The following GNG7 variants were observed in gnomAD, a reference collection of about 807,000 sequenced individuals.
The protein encoded by GNG7 is guanine nucleotide-binding protein G(I)/G(S)/G(O) subunit gamma-7.
A neutral mutation model predicts 4.0 loss-of-function variants in GNG7; 1 was observed. That is an observed-to-expected ratio of 0.25 (90% CI 0.09 to 1.18). The LOEUF (loss-of-function observed/expected upper bound fraction) is 1.18, where lower values mean the gene tolerates loss of function less well. GNG7 is among the 50% of genes most tolerant of loss of function. The pLI, the probability that GNG7 is intolerant of heterozygous loss-of-function variation, is 0.50. For missense variants in GNG7, 86 were observed against 91.9 expected (o/e 0.94, Z 0.26); for synonymous variants, 34 against 36.9 (o/e 0.92, Z 0.29).
chr19:2,569,292 G>T (rs994661747), intron 2 of GNG7, among the ~76,000 whole-genome samples: 1 of 151,424 alleles, frequency 6.6e-6, no homozygotes, highest in Non-Finnish European at 1.5e-5. Context: ...TCTTTTTTTT[G>T]TGAGACAGAG....
chr19:2,549,451 C>T (rs376545519), intron 3 of GNG7, among the ~76,000 whole-genome samples: 65 of 152,108 alleles, frequency 4.3e-4, no homozygotes, highest in East Asian at 2.1e-3. Flanking sequence ...CCACCGCACC[C>T]GGCTAATTTT....
chr19:2,589,462 C>T (rs923506655), intron 2 of GNG7, among the ~76,000 whole-genome samples: 28 of 147,424 alleles, frequency 1.9e-4, no homozygotes, highest in African/African-American at 7.0e-4. Flanking sequence ...TCAAGTGATC[C>T]GTCCGCCTTG....
intron 2 of GNG7, among the ~76,000 whole-genome samples, chr19:2,645,825 A>G (rs1403917447): frequency 6.6e-6 from 1 of 152,204 alleles, no homozygotes; most frequent in East Asian, 1.9e-4. Flanking sequence ...GGAGTAAATC[A>G]ACAGAGGAGA....
chr19:2,682,592 G>C (rs990409326), intron 1 of GNG7, among the ~76,000 whole-genome samples: 2 of 147,044 alleles, frequency 1.4e-5, no homozygotes, highest in African/African-American at 5.1e-5. Flanking sequence ...GAACCCGGGA[G>C]ACGGAGGTTG....
rs8105623 is a variant in GNG7 at position 2,679,571 on chromosome 19, C to T, written c.-135+23075G>A. ...ACACAGAAAGAAAGTCACATGGTGG[C>T]TAAGTAGGCATTCTAAATCCAATGC... On this transcript the variant is annotated intron_variant, in intron 1 of 4. Coordinates refer to ENST00000382159, the MANE Select transcript of GNG7 (RefSeq NM_052847.3). 9.3e-3 allele frequency among the ~76,000 whole-genome samples: 1,421 copies of T among 152,236 alleles called. 17 individuals are homozygous for T. Among genetic ancestry groups the T allele is most frequent in the African/African-American group, 0.026 (1,088 of 41,530 alleles).
intron 2 of GNG7, among the ~76,000 whole-genome samples, chr19:2,587,711 G>C (rs1980717960): frequency 6.6e-6 from 1 of 152,122 alleles, no homozygotes; most frequent in Non-Finnish European, 1.5e-5. Flanking sequence ...GGGGGACGCT[G>C]TCTCAGCCTC....
At chr19:2,576,566 A>T (rs1980348668) in intron 2 of GNG7, among the ~76,000 whole-genome samples, 1 of 150,584 alleles carries the variant, frequency 6.6e-6, no homozygotes, top group African/African-American at 2.5e-5. Flanking sequence ...TTTATTTAAG[A>T]AACAGGGGTC....
At chr19:2,584,255 C>T (rs1280826996) in intron 2 of GNG7, among the ~76,000 whole-genome samples, 1 of 128,546 alleles carries the variant, frequency 7.8e-6, no homozygotes, top group African/African-American at 3.1e-5. Flanking sequence ...CCAGCCAGGG[C>T]AACATAGGGA....
intron 2 of GNG7, among the ~76,000 whole-genome samples, chr19:2,586,492 G>C (rs1980676672): frequency 1.3e-5 from 2 of 152,188 alleles, no homozygotes; most frequent in South Asian, 4.1e-4. Context: ...GGTGACCTCG[G>C]TCCCCCAAGA....
At chr19:2,586,864 AG>A (rs1302657485) in intron 2 of GNG7, among the ~76,000 whole-genome samples, 1 of 151,652 alleles carries the variant, frequency 6.6e-6, no homozygotes, top group Non-Finnish European at 1.5e-5. Flanking sequence ...ACGTGCCTGT[AG>A]TCCCAGCTAC....
chr19:2,663,747 T>C (rs898999870), intron 1 of GNG7, among the ~76,000 whole-genome samples: 1 of 152,186 alleles, frequency 6.6e-6, no homozygotes, highest in Admixed American at 6.6e-5. Context: ...TTTTGCAAAT[T>C]ATCAAGATAT....
At position 2,622,073 on chromosome 19, in the gene GNG7, C is replaced by CT. The variant is rs535584117; in HGVS notation, c.-78+24150dup. Among the ~76,000 whole-genome samples, 919 of 140,156 alleles carry CT rather than the reference C, an allele frequency of 6.6e-3. 7 individuals carry two copies. The highest frequency in any genetic ancestry group is 0.033 in the East Asian group (166 of 4,996). 91.9% of individuals were successfully genotyped at this position (140,156 alleles called of 152,430 possible). A position where few individuals can be genotyped will look rare whatever the true frequency, so the allele number is the denominator to read the frequency against. ...TCTGCCTGCCCAAAACCCTCATCAA[C>CT]TTTTTTTTTTTTTCTCTCTCTTTTG... On this transcript the variant is annotated intron_variant, in intron 2 of 4. Coordinates refer to ENST00000382159, the MANE Select transcript of GNG7 (RefSeq NM_052847.3).
chr19:2,568,620 CATACACACAT>C (rs1436364467), intron 2 of GNG7, among the ~76,000 whole-genome samples: 14 of 150,136 alleles, frequency 9.3e-5, no homozygotes, highest in Admixed American at 4.1e-4. Context: ...CATATATACA[CATACACACAT>C]ATATACACAT....
intron 2 of GNG7, among the ~76,000 whole-genome samples, chr19:2,644,332 TA>T: frequency 2.3e-4 from 1 of 4,264 alleles, no homozygotes; most frequent in South Asian, 9.8e-3. Flanking sequence ...ACACTTTATA[TA>T]TATATATATA....
chr19:2,694,139 A>T (rs1481383641), intron 1 of GNG7, among the ~76,000 whole-genome samples: 4 of 151,904 alleles, frequency 2.6e-5, no homozygotes, highest in Non-Finnish European at 5.9e-5. Flanking sequence ...GGGTAAGCAC[A>T]GGGGATTTGG....
At chr19:2,541,720 C>T (rs573125547) in intron 3 of GNG7, among the ~76,000 whole-genome samples, 9 of 145,154 alleles carry the variant, frequency 6.2e-5, no homozygotes, top group East Asian at 2.0e-4. Context: ...CTAGCCTGGG[C>T]GACACAGCAA....
intron 2 of GNG7, among the ~76,000 whole-genome samples, chr19:2,625,949 G>A (rs60058030): frequency 6.6e-6 from 1 of 151,974 alleles, no homozygotes; most frequent in Non-Finnish European, 1.5e-5. Flanking sequence ...CACCACGCCT[G>A]GCTAATTTTT....
At chr19:2,689,136 C>A (rs929241663) in intron 1 of GNG7, among the ~76,000 whole-genome samples, 3 of 143,732 alleles carry the variant, frequency 2.1e-5, no homozygotes, top group Non-Finnish European at 3.1e-5. Flanking sequence ...TTTGCCCCAA[C>A]ATAATAAATA....
Position 2,600,909 on chromosome 19 carries a change from G to A in GNG7, c.-78+45315C>T, listed in dbSNP as rs59855289. 3.0e-3 allele frequency among the ~76,000 whole-genome samples: 461 copies of A among 152,176 alleles called. 2 individuals carry two copies. The highest frequency in any genetic ancestry group is 0.011 in the African/African-American group (439 of 41,504). ...CTCTACTTCACAGAAGAGAAAATGC[G>A]ATCCAAGATGGTAATAAACCTGCTC... On this transcript the variant is annotated intron_variant, in intron 2 of 4. Transcript: ENST00000382159.
Sources: gnomAD v4.1 joint callset for allele counts (sites outside exome capture counted in the v4.1 genomes callset) on GRCh38, gnomAD v4.1.1 for gene constraint, MANE v1.5 for transcripts, NCBI Gene and HGNC (gene_info 2026-07-23, HGNC 2026-07-21) for gene names.